The following RBFOX1 variants were observed in gnomAD, a reference collection of about 807,000 sequenced individuals.
RBFOX1 encodes RNA binding fox-1 homolog 1.
A neutral mutation model predicts 57.7 loss-of-function variants in RBFOX1; 8 were observed. That is an observed-to-expected ratio of 0.14 (90% CI 0.08 to 0.25). The LOEUF is 0.25. RBFOX1 is among the 10% of genes least tolerant of loss of function. RBFOX1 has a pLI of 1.00. For missense variants in RBFOX1, 611 were observed against 548.5 expected (o/e 1.11, Z -1.14); for synonymous variants, 326 against 222.4 (o/e 1.47, Z -4.15).
intron 3 of RBFOX1, among the ~76,000 whole-genome samples, chr16:6,958,101 G>C (rs1435773759): frequency 6.6e-6 from 1 of 152,132 alleles, no homozygotes; most frequent in Non-Finnish European, 1.5e-5. Flanking sequence ...CGGCTTGTGA[G>C]CTGCAGAAAT....
chr16:5,240,623 G>A (rs2062141879), intron 1 of RBFOX1, among the ~76,000 whole-genome samples: 1 of 152,198 alleles, frequency 6.6e-6, no homozygotes, highest in Non-Finnish European at 1.5e-5. Context: ...TGGTTGGGCA[G>A]CGAGAGTTGA....
At chr16:7,316,368 G>C (rs6500947) in intron 4 of RBFOX1, among the ~76,000 whole-genome samples, 115,461 of 152,172 alleles carry the variant, frequency 0.76, 43,828 homozygotes, top group East Asian at 0.9. Flanking sequence ...TTTACAGAAG[G>C]CATAGCTGGT....
intron 1 of RBFOX1, among the ~76,000 whole-genome samples, chr16:6,183,067 T>C (rs2097077076): frequency 6.6e-6 from 1 of 152,196 alleles, no homozygotes; most frequent in Non-Finnish European, 1.5e-5. Flanking sequence ...AAACTAAATA[T>C]ATAGCATGAA....
At chr16:5,794,362 A>G (rs2054804156) in intron 3 of RBFOX1, among the ~76,000 whole-genome samples, 1 of 150,634 alleles carries the variant, frequency 6.6e-6, no homozygotes, top group Non-Finnish European at 1.5e-5. Flanking sequence ...CTCTTCCATC[A>G]TTATTATCAT....
intron 3 of RBFOX1, among the ~76,000 whole-genome samples, chr16:6,665,626 C>CAAA (rs71406390): frequency 9.9e-6 from 1 of 101,462 alleles, no homozygotes; most frequent in Non-Finnish European, 2.1e-5. Flanking sequence ...ACTCCATCTC[C>CAAA]AAAAAAAAAA....
intron 3 of RBFOX1, among the ~76,000 whole-genome samples, chr16:5,823,139 G>A (rs1219819889): frequency 6.6e-6 from 1 of 152,154 alleles, no homozygotes; most frequent in African/African-American, 2.4e-5. Context: ...CTTACCCTGA[G>A]GATCCTGGAG....
intron 3 of RBFOX1, among the ~76,000 whole-genome samples, chr16:6,947,536 C>T (rs1210675378): frequency 6.6e-6 from 1 of 152,148 alleles, no homozygotes; most frequent in African/African-American, 2.4e-5. Flanking sequence ...GAGAGAAATC[C>T]TCCTGAAACA....
chr16:6,431,651 A>G (rs1473660294), intron 2 of RBFOX1, among the ~76,000 whole-genome samples: 1 of 152,074 alleles, frequency 6.6e-6, no homozygotes, highest in African/African-American at 2.4e-5. Context: ...CTTGGCAGGT[A>G]TTACAAGGAC....
chr16:6,154,118 C>T (rs556670323), intron 1 of RBFOX1, among the ~76,000 whole-genome samples: 12 of 152,162 alleles, frequency 7.9e-5, no homozygotes, highest in Admixed American at 1.3e-4. Context: ...GATGTTCCTG[C>T]GTCATAATCT....
chr16:6,611,535 T>A (rs1386411673), intron 2 of RBFOX1, among the ~76,000 whole-genome samples: 3 of 152,196 alleles, frequency 2.0e-5, no homozygotes, highest in Non-Finnish European at 4.4e-5. Flanking sequence ...CTGGTACTCA[T>A]ACAACTTGAC....
intron 4 of RBFOX1, among the ~76,000 whole-genome samples, chr16:5,939,700 T>TA (rs2059241870): frequency 4.0e-5 from 6 of 151,702 alleles, no homozygotes; most frequent in South Asian, 2.1e-4. Flanking sequence ...GCTCCATTTT[T>TA]TAAAAAAAAA....
intron 14 of RBFOX1, among the ~76,000 whole-genome samples, chr16:7,677,249 C>T (rs778365621): frequency 3.3e-5 from 5 of 151,974 alleles, no homozygotes; most frequent in Non-Finnish European, 5.9e-5. Context: ...ACAAGGTTTA[C>T]TTCAATTTCA....
At chr16:6,729,798 G>T (rs2192350) in intron 3 of RBFOX1, among the ~76,000 whole-genome samples, 1 of 152,092 alleles carries the variant, frequency 6.6e-6, no homozygotes, top group African/African-American at 2.4e-5. Context: ...TTTCTAGCAT[G>T]TGCAAAGCAG....
intron 14 of RBFOX1, among the ~76,000 whole-genome samples, chr16:7,702,626 C>A (rs971764535): frequency 6.6e-6 from 1 of 152,182 alleles, no homozygotes; most frequent in Non-Finnish European, 1.5e-5. Flanking sequence ...CATGCGCCCT[C>A]CCCTTCTGGT....
intron 1 of RBFOX1, among the ~76,000 whole-genome samples, chr16:6,264,640 T>C (rs1036657966): frequency 1.2e-4 from 19 of 152,144 alleles, no homozygotes; most frequent in East Asian, 1.9e-4. Context: ...CCACCGCTAA[T>C]GTGCTCTTCC....
chr16:6,475,713 C>G (rs1405861856), intron 2 of RBFOX1, among the ~76,000 whole-genome samples: 1 of 152,144 alleles, frequency 6.6e-6, no homozygotes, highest in Non-Finnish European at 1.5e-5. Context: ...TGCAAACTTT[C>G]AATGTGGTTG....
At chr16:6,670,307 C>T (rs1163083840) in intron 3 of RBFOX1, among the ~76,000 whole-genome samples, 1 of 152,056 alleles carries the variant, frequency 6.6e-6, no homozygotes, top group East Asian at 1.9e-4. Context: ...GGAGCTCAAG[C>T]AGTCCTTCCA....
intron 1 of RBFOX1, among the ~76,000 whole-genome samples, chr16:6,264,112 ACTT>A (rs748878412): frequency 2.0e-5 from 3 of 152,182 alleles, no homozygotes; most frequent in East Asian, 1.9e-4. Flanking sequence ...TAGTTACACA[ACTT>A]CTTCTACTGC....
Position 6,790,984 on chromosome 16 carries a change from C to T in RBFOX1, c.-16+136334C>T, listed in dbSNP as rs537181607. 3.9e-5 allele frequency among the ~76,000 whole-genome samples: 6 copies of T among 152,050 alleles called. No homozygotes were observed. The East Asian group carries it at 9.7e-4, about 25-fold the overall frequency. On this transcript the variant is annotated intron_variant, in intron 3 of 15. Coordinates refer to ENST00000550418, the MANE Select transcript of RBFOX1 (RefSeq NM_018723.4). ...GCATTGGTATGATCTTGACTCACTG[C>T]GTCTTCTGGCTCTCAGGTTCAGGTA...
Sources: gnomAD v4.1 joint callset for allele counts (sites outside exome capture counted in the v4.1 genomes callset) on GRCh38, gnomAD v4.1.1 for gene constraint, MANE v1.5 for transcripts, NCBI Gene and HGNC (gene_info 2026-07-23, HGNC 2026-07-21) for gene names.